LHFPL4: variants seen among roughly 807,000 people sequenced by gnomAD.
The protein encoded by LHFPL4 is LHFPL tetraspan subfamily member 4 protein.
A neutral mutation model predicts 20.0 loss-of-function variants in LHFPL4; 6 were observed. The ratio of observed to expected loss-of-function variants is 0.30; its 90% CI spans 0.16 to 0.59. LHFPL4 has a LOEUF of 0.59. LHFPL4 is among the 20% of genes least tolerant of loss of function. The pLI is 0.88. For synonymous variants in LHFPL4, 129 were observed against 143.8 expected (o/e 0.90, Z 0.74); for missense variants, 215 against 331.2 (o/e 0.65, Z 2.72).
chr3:9,545,035 T>C (rs1305348449), intron 2 of LHFPL4, among the ~76,000 whole-genome samples: 1 of 152,058 alleles, frequency 6.6e-6, no homozygotes, highest in Non-Finnish European at 1.5e-5. Context: ...TCAGGATTTC[T>C]AGAGGCTAGC....
chr3:9,531,727 G>A (rs1241091872), intron 2 of LHFPL4, among the ~76,000 whole-genome samples: 3 of 152,052 alleles, frequency 2.0e-5, no homozygotes, highest in Non-Finnish European at 2.9e-5. Flanking sequence ...TTTGAACCCG[G>A]GAACGGGAGG....
At chr3:9,508,751 C>G (rs1187294634) in intron 2 of LHFPL4, among the ~76,000 whole-genome samples, 1 of 152,214 alleles carries the variant, frequency 6.6e-6, no homozygotes, top group Non-Finnish European at 1.5e-5. Flanking sequence ...AAAGGAGGGT[C>G]AAACGCCAAG....
intron 2 of LHFPL4, among the ~76,000 whole-genome samples, chr3:9,531,067 A>G (rs2046406060): frequency 6.6e-6 from 1 of 152,342 alleles, no homozygotes; most frequent in Middle Eastern, 3.4e-3. Flanking sequence ...CAGCAGGTGT[A>G]GCAATCAAAA....
chr3:9,524,223 CTT>C (rs200712776), intron 2 of LHFPL4, among the ~76,000 whole-genome samples: 2 of 144,472 alleles, frequency 1.4e-5, no homozygotes, highest in Admixed American at 7.0e-5. Context: ...TGTTTGTTTG[CTT>C]TTTTTTTTTG....
chr3:9,510,628 G>A lies in LHFPL4; in HGVS notation c.407-4425C>T, dbSNP rs541969009. Among the ~76,000 whole-genome samples the A allele has an allele frequency of 1.9e-4, 29 of 152,000 alleles. No homozygotes were observed. The South Asian group carries it at 5.4e-3, about 28-fold the overall frequency. On this transcript the variant is annotated intron_variant, in intron 2 of 3. Coordinates refer to ENST00000287585, the MANE Select transcript of LHFPL4 (RefSeq NM_198560.3). The stretch of plus-strand genomic sequence containing the variant: ...ACAATGTTAATATTTTTAATATTGT[G>A]ATACTATTGTTAAAAATAGTGTTGA...
chr3:9,553,476 G>A (rs903147903), intron 1 of LHFPL4, among the ~76,000 whole-genome samples: 1 of 151,618 alleles, frequency 6.6e-6, no homozygotes, highest in African/African-American at 2.4e-5. Context: ...CAGGGTTGGA[G>A]AGAGGGGGTT....
intron 3 of LHFPL4, 59 bp from the exon 4 acceptor site, chr3:9,502,370 G>T: frequency 7.7e-7 from 1 of 1,292,134 alleles, no homozygotes; most frequent in Non-Finnish European, 1.1e-6. Flanking sequence ...GAGGCTGCCT[G>T]GGCATTCAGG....
At chr3:9,524,964 T>C (rs1350012142) in intron 2 of LHFPL4, among the ~76,000 whole-genome samples, 1 of 152,186 alleles carries the variant, frequency 6.6e-6, no homozygotes, top group Non-Finnish European at 1.5e-5. Context: ...CCCTGGACTG[T>C]TAATTTCACA....
intron 3 of LHFPL4, among the ~76,000 whole-genome samples, chr3:9,503,147 G>C (rs901717106): frequency 1.1e-4 from 16 of 152,044 alleles, no homozygotes; most frequent in Non-Finnish European, 1.9e-4. Context: ...GAGGTCTTTG[G>C]GTTAAAACTG....
chr3:9,525,206 C>T (rs938175029), intron 2 of LHFPL4, among the ~76,000 whole-genome samples: 10 of 152,172 alleles, frequency 6.6e-5, no homozygotes, highest in African/African-American at 7.2e-5. Context: ...CAATATTCAC[C>T]GTAAGAACTT....
chr3:9,503,780 C>T (rs997941576), intron 3 of LHFPL4, among the ~76,000 whole-genome samples: 2 of 152,232 alleles, frequency 1.3e-5, no homozygotes, highest in African/African-American at 4.8e-5. Context: ...AATCTCAGCA[C>T]TTTGGGAGGC....
chr3:9,551,110 C>A (rs1234428387), intron 2 of LHFPL4: 5 of 152,212 alleles, frequency 3.3e-5, no homozygotes, highest in African/African-American at 9.7e-5. Flanking sequence ...AGTGATTACA[C>A]CCCATGCTCC....
chr3:9,520,855 T>C (rs2046332760), intron 2 of LHFPL4, among the ~76,000 whole-genome samples: 1 of 152,150 alleles, frequency 6.6e-6, no homozygotes, highest in Non-Finnish European at 1.5e-5. Flanking sequence ...ATGTCCCATG[T>C]GAACTTGAGA....
intron 2 of LHFPL4, among the ~76,000 whole-genome samples, chr3:9,510,963 T>C (rs1432782028): frequency 6.6e-6 from 1 of 150,750 alleles, no homozygotes; most frequent in Non-Finnish European, 1.5e-5. Flanking sequence ...AATAAATAAA[T>C]AAATAAATAA....
At position 9,539,386 on chromosome 3, in the gene LHFPL4, T is replaced by C. The variant is rs371694259; in HGVS notation, c.406+12888A>G. 6.5e-5 allele frequency among the ~76,000 whole-genome samples: 9 copies of C among 138,384 alleles called. No homozygotes were observed. The South Asian group carries it at 2.0e-3, about 31-fold the overall frequency. The allele number at this position is 138,384 out of a possible 152,430, so 90.8% of individuals were successfully genotyped here. On this transcript the variant is annotated intron_variant, in intron 2 of 3. Transcript: ENST00000287585. The stretch of plus-strand genomic sequence containing the variant: ...AGGAGAATTGTTTGAACCCAGGAGG[T>C]GGAGCTTGCAATGAGCCGAGATTGC...
At chr3:9,531,862 A>T (rs2046411384) in intron 2 of LHFPL4, among the ~76,000 whole-genome samples, 1 of 152,074 alleles carries the variant, frequency 6.6e-6, no homozygotes, top group Non-Finnish European at 1.5e-5. Flanking sequence ...TCAAAGGAAG[A>T]TTACTTGAGT....
intron 2 of LHFPL4, among the ~76,000 whole-genome samples, chr3:9,543,890 C>A (rs2046494818): frequency 1.3e-5 from 2 of 151,810 alleles, no homozygotes; most frequent in African/African-American, 4.8e-5. Context: ...TGCCACCATG[C>A]CCAGCTAGTT....
At chr3:9,528,285 T>C (rs1416354482) in intron 2 of LHFPL4, among the ~76,000 whole-genome samples, 3 of 152,214 alleles carry the variant, frequency 2.0e-5, no homozygotes, top group African/African-American at 4.8e-5. Context: ...GTTTATGTAA[T>C]ATTTTAAATC....
intron 2 of LHFPL4, among the ~76,000 whole-genome samples, chr3:9,516,880 A>G (rs904409133): frequency 2.0e-5 from 3 of 150,390 alleles, no homozygotes; most frequent in Non-Finnish European, 4.4e-5. Context: ...CCTGGGTTCA[A>G]GTGATTCTCC....
Sources: gnomAD v4.1 joint callset for allele counts (sites outside exome capture counted in the v4.1 genomes callset) on GRCh38, gnomAD v4.1.1 for gene constraint, MANE v1.5 for transcripts, NCBI Gene and HGNC (gene_info 2026-07-23, HGNC 2026-07-21) for gene names.